The following ATP10A variants were observed in gnomAD, a reference collection of about 807,000 sequenced individuals.
ATP10A encodes ATPase phospholipid transporting 10A (putative).
In ATP10A, 111 loss-of-function variants were observed where a neutral mutation model predicts 147.8. That is an observed-to-expected ratio of 0.75 (90% CI 0.64 to 0.88). The LOEUF (loss-of-function observed/expected upper bound fraction) is 0.88. Among genes scored for constraint, ATP10A ranks in the 40% least tolerant of loss-of-function variants. The probability of loss-of-function intolerance (pLI) is 0.00; values close to 1 mark genes in which losing one functional copy is unlikely to be tolerated. For missense variants in ATP10A, 1,927 were observed against 1,959.0 expected (o/e 0.98, Z 0.31); for synonymous variants, 875 against 841.6 (o/e 1.04, Z -0.69).
chr15:25,781,683 A>G (rs79552368), intron 1 of ATP10A, among the ~76,000 whole-genome samples: 3,585 of 152,196 alleles, frequency 0.024, 80 homozygotes, highest in South Asian at 0.058. Context: ...AAAAAAGAAT[A>G]TTCATACCAC....
At chr15:25,675,587 G>A (rs1206459238), downstream of ATP10A, among the ~76,000 whole-genome samples, 3 of 152,058 alleles carry the variant, frequency 2.0e-5, no homozygotes, top group Admixed American at 1.3e-4. Flanking sequence ...GGGCTGGGAG[G>A]GAGGGAGCAA....
chr15:25,863,076 C>A lies in ATP10A; in HGVS notation c.21G>T (p.Gly7=), dbSNP rs1322882454. The change falls in exon 1 of 21, where the codon GGG becomes GGT. Residue 7 remains glycine, a synonymous_variant. Transcript: ENST00000555815. The part of the protein sequence containing the change: MEREPA[G]TEEPGPPGRR... ...GTCCCGGAGGCCCGGGCTCCTCGGT[C>A]CCCGCCGGCTCCCGCTCCATGGCCG... is the stretch of plus-strand genomic sequence containing the variant. 2.5e-6 allele frequency: 3 copies of A among 1,214,414 alleles called. No individual in the cohort carries two copies. The highest frequency in any genetic ancestry group is 4.5e-5 in the Admixed American group (1 of 22,458). 75.2% of individuals were successfully genotyped at this position (1,214,414 alleles called of 1,614,324 possible).
intron 1 of ATP10A, among the ~76,000 whole-genome samples, chr15:25,852,691 C>T (rs541103738): frequency 2.0e-5 from 3 of 152,296 alleles, no homozygotes; most frequent in Admixed American, 6.5e-5. Flanking sequence ...GCTTTTGTCA[C>T]AAACCACTGT....
intron 2 of ATP10A, among the ~76,000 whole-genome samples, chr15:25,779,796 A>G (rs1213808273): frequency 2.0e-5 from 3 of 152,128 alleles, no homozygotes; most frequent in Non-Finnish European, 4.4e-5. Context: ...TTATTCCAAA[A>G]AGATTTGAGG....
intron 1 of ATP10A, among the ~76,000 whole-genome samples, chr15:25,855,904 AT>A (rs1893496841): frequency 6.6e-6 from 1 of 152,202 alleles, no homozygotes; most frequent in African/African-American, 2.4e-5. Context: ...TAATGCATTA[AT>A]GGAAAACTGT....
intron 1 of ATP10A, among the ~76,000 whole-genome samples, chr15:25,801,582 T>C (rs949609465): frequency 6.6e-6 from 1 of 152,208 alleles, no homozygotes; most frequent in African/African-American, 2.4e-5. Context: ...GGGCAGCCAA[T>C]GGCCACTACG....
At chr15:25,739,582 C>T (rs1465415501) in intron 2 of ATP10A, among the ~76,000 whole-genome samples, 1 of 152,136 alleles carries the variant, frequency 6.6e-6, no homozygotes, top group African/African-American at 2.4e-5. Context: ...GACAGACTCA[C>T]TATTGCAGAA....
chr15:25,828,743 T>C (rs1052176250), intron 1 of ATP10A, among the ~76,000 whole-genome samples: 2 of 152,180 alleles, frequency 1.3e-5, no homozygotes, highest in African/African-American at 4.8e-5. Flanking sequence ...AAAATATAAT[T>C]TAATAAATAC....
intron 14 of ATP10A, among the ~76,000 whole-genome samples, chr15:25,693,695 G>T (rs1900156889): frequency 6.6e-6 from 1 of 152,214 alleles, no homozygotes; most frequent in African/African-American, 2.4e-5. Context: ...ATGGCTGTTA[G>T]GTTCCCCGGG....
intron 1 of ATP10A, among the ~76,000 whole-genome samples, chr15:25,790,948 G>T (rs181594345): frequency 6.6e-6 from 1 of 152,058 alleles, no homozygotes; most frequent in Non-Finnish European, 1.5e-5. Flanking sequence ...TTATTCCTAC[G>T]GAGAAGTTTT....
At chr15:25,732,573 T>TTTTTTTTTTTG (rs1887004835) in intron 3 of ATP10A, among the ~76,000 whole-genome samples, 2 of 143,674 alleles carry the variant, frequency 1.4e-5, no homozygotes, top group Non-Finnish European at 1.5e-5. Context: ...TTTTTTTTTT[T>TTTTTTTTTTTG]GAGATGGAGT....
intron 12 of ATP10A, among the ~76,000 whole-genome samples, chr15:25,704,642 T>G (rs1000058353): frequency 3.9e-5 from 6 of 152,008 alleles, no homozygotes; most frequent in Non-Finnish European, 8.8e-5. Context: ...TGAGCCTGAG[T>G]CAGGTGCAGA....
intron 3 of ATP10A, among the ~76,000 whole-genome samples, chr15:25,735,589 C>A (rs899893711): frequency 6.6e-6 from 1 of 152,156 alleles, no homozygotes; most frequent in African/African-American, 2.4e-5. Context: ...AAGGCAGGAA[C>A]TTCTGTTTAT....
At chr15:25,708,333 G>T (rs1901176487) in intron 10 of ATP10A, 33 bp from the exon 11 acceptor site, 10 of 1,586,080 alleles carry the variant, frequency 6.3e-6, no homozygotes, top group Non-Finnish European at 8.7e-6. Flanking sequence ...ACATGGGTAA[G>T]AACTGGCGCC....
At chr15:25,799,529 A>G (rs1890838716) in intron 1 of ATP10A, among the ~76,000 whole-genome samples, 1 of 152,212 alleles carries the variant, frequency 6.6e-6, no homozygotes, top group South Asian at 2.1e-4. Flanking sequence ...AACAGACAAA[A>G]AAACAAAGTT....
At chr15:25,745,300 C>T (rs1887789170) in intron 2 of ATP10A, among the ~76,000 whole-genome samples, 1 of 151,156 alleles carries the variant, frequency 6.6e-6, no homozygotes, top group South Asian at 2.1e-4. Flanking sequence ...CTGCAGTAAG[C>T]AGAAATTGCA....
At chr15:25,791,174 G>A (rs1165739108) in intron 1 of ATP10A, among the ~76,000 whole-genome samples, 6 of 149,856 alleles carry the variant, frequency 4.0e-5, no homozygotes, top group Admixed American at 1.3e-4. Context: ...TCCGGCTTCT[G>A]GGTTCAGCAA....
intron 2 of ATP10A, among the ~76,000 whole-genome samples, chr15:25,739,488 G>A (rs59371928): frequency 0.17 from 25,359 of 152,060 alleles, 2,308 homozygotes; most frequent in Middle Eastern, 0.29. Flanking sequence ...ATTTGGACTC[G>A]GATCTCCGGG....
chr15:25,757,380 T>G (rs1450018921), intron 2 of ATP10A, among the ~76,000 whole-genome samples: 1 of 152,074 alleles, frequency 6.6e-6, no homozygotes, highest in African/African-American at 2.4e-5. Context: ...ATATAGCTAA[T>G]TAGAACTACT....
Sources: gnomAD v4.1 joint callset for allele counts (sites outside exome capture counted in the v4.1 genomes callset) on GRCh38, gnomAD v4.1.1 for gene constraint, MANE v1.5 for transcripts, NCBI Gene and HGNC (gene_info 2026-07-23, HGNC 2026-07-21) for gene names.